Variants in DCC observed in about 807,000 individuals in gnomAD.
DCC encodes the protein netrin receptor DCC.
DCC carries 58 observed loss-of-function variants against 172.5 expected under a neutral mutation model. The ratio of observed to expected loss-of-function variants is 0.34; its 90% CI spans 0.27 to 0.42. The LOEUF (loss-of-function observed/expected upper bound fraction) is 0.42, where lower values mean the gene tolerates loss of function less well. Among genes scored for constraint, DCC ranks in the 10% least tolerant of loss-of-function variants. The pLI is 1.00. For synonymous variants in DCC, 709 were observed against 644.5 expected (o/e 1.10, Z -1.52); for missense variants, 1,740 against 1,791.0 (o/e 0.97, Z 0.51).
intron 1 of DCC, among the ~76,000 whole-genome samples, chr18:52,398,300 C>A (rs1187439309): frequency 6.6e-6 from 1 of 151,940 alleles, no homozygotes; most frequent in East Asian, 1.9e-4. Flanking sequence ...GCCTAATACA[C>A]CTACACATCT....
At chr18:53,310,560 A>C (rs932046876) in intron 13 of DCC, among the ~76,000 whole-genome samples, 1 of 152,230 alleles carries the variant, frequency 6.6e-6, no homozygotes, top group Middle Eastern at 3.4e-3. Context: ...AATCACTGCT[A>C]TCAGGTTTAT....
chr18:53,343,124 T>C (rs1467165657), intron 15 of DCC, among the ~76,000 whole-genome samples: 1 of 151,714 alleles, frequency 6.6e-6, no homozygotes, highest in African/African-American at 2.4e-5. Flanking sequence ...GAACAGAAAG[T>C]TTTATATTTA....
intron 1 of DCC, among the ~76,000 whole-genome samples, chr18:52,425,653 C>T (rs996905052): frequency 6.6e-6 from 1 of 152,070 alleles, no homozygotes; most frequent in African/African-American, 2.4e-5. Flanking sequence ...CGTAGGCCTT[C>T]CTGAAGTTGA....
intron 2 of DCC, among the ~76,000 whole-genome samples, chr18:52,866,265 A>G (rs1045407229): frequency 1.3e-5 from 2 of 152,216 alleles, no homozygotes; most frequent in African/African-American, 4.8e-5. Context: ...TCTGTTTGGT[A>G]TCAGTACCAT....
intron 25 of DCC, among the ~76,000 whole-genome samples, chr18:53,482,871 A>C (rs941466731): frequency 1.2e-4 from 18 of 151,908 alleles, no homozygotes; most frequent in African/African-American, 4.3e-4. Flanking sequence ...AATAGACTTT[A>C]TGCTCTGGTA....
chr18:53,356,561 G>A (rs534479889), intron 15 of DCC, among the ~76,000 whole-genome samples: 1 of 152,138 alleles, frequency 6.6e-6, no homozygotes. Context: ...TACCACCTGA[G>A]TACCCAAATT....
intron 12 of DCC, 142 bp from the exon 13 acceptor site, chr18:53,305,436 A>T: frequency 1.5e-6 from 1 of 685,790 alleles, no homozygotes; most frequent in East Asian, 2.7e-5. Context: ...TATAAGAACG[A>T]ATTTAATTTG....
chr18:53,520,862 C>T (rs1384216486), intron 27 of DCC, among the ~76,000 whole-genome samples: 1 of 152,044 alleles, frequency 6.6e-6, no homozygotes, highest in Non-Finnish European at 1.5e-5. Context: ...CCCTCATACT[C>T]TTTCCTTTAA....
At chr18:52,776,980 A>C (rs2037446039) in intron 2 of DCC, among the ~76,000 whole-genome samples, 1 of 152,224 alleles carries the variant, frequency 6.6e-6, no homozygotes, top group African/African-American at 2.4e-5. Flanking sequence ...TGGGACTAGC[A>C]TGAGGCCAAA....
chr18:52,374,925 A>G (rs1393921287), intron 1 of DCC, among the ~76,000 whole-genome samples: 1 of 152,164 alleles, frequency 6.6e-6, no homozygotes, highest in African/African-American at 2.4e-5. Flanking sequence ...CTCCTTCTCA[A>G]TATTGATTTC....
chr18:52,684,239 T>G (rs921455759), intron 1 of DCC, among the ~76,000 whole-genome samples: 3 of 152,120 alleles, frequency 2.0e-5, no homozygotes, highest in Non-Finnish European at 2.9e-5. Context: ...TGTGGCCAAA[T>G]GAAATCAAAC....
At chr18:53,489,542 T>C (rs2045938016) in intron 26 of DCC, among the ~76,000 whole-genome samples, 1 of 152,168 alleles carries the variant, frequency 6.6e-6, no homozygotes, top group East Asian at 1.9e-4. Context: ...ATCTTATTAG[T>C]CGCCTTGGGA....
intron 5 of DCC, among the ~76,000 whole-genome samples, chr18:53,000,391 G>A (rs958697622): frequency 7.9e-5 from 12 of 151,856 alleles, no homozygotes; most frequent in Non-Finnish European, 1.8e-4. Flanking sequence ...GCCTTGAAAT[G>A]GCGGGGGTTG....
intron 12 of DCC, among the ~76,000 whole-genome samples, chr18:53,294,322 G>T (rs901174890): frequency 6.6e-6 from 1 of 152,164 alleles, no homozygotes; most frequent in Non-Finnish European, 1.5e-5. Flanking sequence ...AGTGGCAGGA[G>T]GGCTGTGCCC....
chr18:53,304,873 C>T (rs888361607), intron 12 of DCC, among the ~76,000 whole-genome samples: 10 of 152,168 alleles, frequency 6.6e-5, no homozygotes, highest in Non-Finnish European at 1.3e-4. Flanking sequence ...GACTGTGTCC[C>T]CACCTAAATC....
chr18:53,437,656 C>A (rs1337776477), intron 22 of DCC, among the ~76,000 whole-genome samples: 3 of 147,706 alleles, frequency 2.0e-5, no homozygotes, highest in Non-Finnish European at 3.0e-5. Flanking sequence ...AGAAAACAGA[C>A]CCCAGGCCAT....
intron 15 of DCC, among the ~76,000 whole-genome samples, chr18:53,347,079 C>T (rs190434461): frequency 1.6e-4 from 25 of 152,258 alleles, no homozygotes; most frequent in East Asian, 1.9e-4. Context: ...CAGAACATCT[C>T]TATCTCCAGA....
At chr18:52,673,595 C>A (rs184660408) in intron 1 of DCC, among the ~76,000 whole-genome samples, 186 of 152,276 alleles carry the variant, frequency 1.2e-3, no homozygotes, top group South Asian at 2.9e-3. Flanking sequence ...TAAATTTTTT[C>A]CCTCCTTTTT....
At chr18:53,252,767 A>G (rs2056454540) in intron 12 of DCC, among the ~76,000 whole-genome samples, 2 of 152,012 alleles carry the variant, frequency 1.3e-5, no homozygotes, top group African/African-American at 4.8e-5. Flanking sequence ...TTATTGATCA[A>G]AACAGAACAG....
Sources: gnomAD v4.1 joint callset for allele counts (sites outside exome capture counted in the v4.1 genomes callset) on GRCh38, gnomAD v4.1.1 for gene constraint, MANE v1.5 for transcripts, NCBI Gene and HGNC (gene_info 2026-07-23, HGNC 2026-07-21) for gene names.